CSAD: variants seen among roughly 807,000 people sequenced by gnomAD.
CSAD encodes P-selectin cytoplasmic tail-associated protein.
Under a neutral mutation model 61.5 loss-of-function variants are expected in CSAD, and 47 were observed. That is an observed-to-expected ratio of 0.76 (90% CI 0.60 to 0.97). CSAD has a LOEUF of 0.97. Ranked by LOEUF, CSAD falls within the 50% of genes least tolerant of loss-of-function variation. CSAD has a pLI of 0.00. For synonymous variants in CSAD, 245 were observed against 252.7 expected (o/e 0.97, Z 0.29); for missense variants, 611 against 643.6 (o/e 0.95, Z 0.55).
intron 2 of CSAD, among the ~76,000 whole-genome samples, chr12:53,178,133 G>C (rs1941246024): frequency 6.6e-6 from 1 of 152,202 alleles, no homozygotes; most frequent in Admixed American, 6.5e-5. Context: ...GTAAACATGG[G>C]AGTTGTTACA....
chr12:53,173,855 T>A (rs1940881625), intron 2 of CSAD, 85 bp from the exon 3 acceptor site: 1 of 1,383,890 alleles, frequency 7.2e-7, no homozygotes, highest in Non-Finnish European at 1.0e-6. Context: ...CACAAAGTTG[T>A]TGCAACCATC....
upstream of CSAD, chr12:53,181,163 C>T (rs1941608366): frequency 3.0e-6 from 3 of 984,844 alleles, no homozygotes; most frequent in African/African-American, 3.5e-5. Context: ...CGGAGCGAGG[C>T]GGGCGACACG....
chr12:53,161,712 C>T (rs1266456441), intron 10 of CSAD, among the ~76,000 whole-genome samples: 6 of 152,148 alleles, frequency 3.9e-5, no homozygotes, highest in African/African-American at 1.4e-4. Flanking sequence ...ATAATCTCGG[C>T]ACTTCAGGAG....
chr12:53,170,751 C>A, intron 8 of CSAD: 1 of 491,368 alleles, frequency 2.0e-6, no homozygotes, highest in South Asian at 2.1e-5. Flanking sequence ...ACAAGAGTCT[C>A]CCTCTGTCAC....
At chr12:53,162,859 C>T (rs564252046) in intron 10 of CSAD, among the ~76,000 whole-genome samples, 1 of 151,912 alleles carries the variant, frequency 6.6e-6, no homozygotes, top group South Asian at 2.1e-4. Flanking sequence ...GTCCAGAGTT[C>T]GAGACTAGCC....
Position 53,172,532 on chromosome 12 carries a change from A to G in CSAD, c.243T>C (p.Ser81=). 6.2e-7 allele frequency: 1 copy of G among 1,614,132 alleles called. No individual in the cohort carries two copies. Among genetic ancestry groups the G allele is most frequent in the East Asian group, 2.2e-5 (1 of 44,878 alleles). ...LERCRAVIRY[S]VKTGHPRFFN... ...GAAGCCAGGGCCCACCAGTCTTGAC[A>G]CTGTAGCGAATCACAGCCCGACACC... The change falls in exon 5 of 17, where the codon AGT becomes AGC. Residue 81 remains serine, a synonymous_variant. Coordinates refer to ENST00000444623, the MANE Select transcript of CSAD (RefSeq NM_001244705.2).
intron 1 of CSAD, chr12:53,179,865 T>G: frequency 6.2e-7 from 1 of 1,612,714 alleles, no homozygotes; most frequent in East Asian, 2.2e-5. Context: ...CTCTAATGGC[T>G]AAGGCTAGGC....
chr12:53,178,190 C>T (rs1022189589), intron 2 of CSAD, among the ~76,000 whole-genome samples: 2 of 152,026 alleles, frequency 1.3e-5, no homozygotes, highest in African/African-American at 4.8e-5. Flanking sequence ...TTTACATATC[C>T]GGCCAGGCAT....
In CSAD at chr12:53,158,653, T is replaced by C; in HGVS notation, c.1340A>G (p.Lys447Arg). Reference protein sequence around the residue: ...VAPVLKERMVKEGSMMIGYQP... With the variant: ...VAPVLKERMVREGSMMIGYQP... Reference sequence around the variant, plus strand: ...GTAGCCAATCATCATGGAGCCCTCCTTCACCATGCGCTCCTTGAGCACGGG... The same window carrying C: ...GTAGCCAATCATCATGGAGCCCTCCCTCACCATGCGCTCCTTGAGCACGGG... The change falls in exon 17 of 17, where the codon AAG becomes AGG. Residue 447 changes from lysine to arginine, a missense_variant. By Grantham distance (26) the Lys-to-Arg change is conservative. Coordinates refer to ENST00000444623, the MANE Select transcript of CSAD (RefSeq NM_001244705.2). 1 of 1,614,166 alleles carries C rather than the reference T, an allele frequency of 6.2e-7. No homozygotes were observed. The highest frequency in any genetic ancestry group is 8.5e-7 in the Non-Finnish European group (1 of 1,180,026).
At chr12:53,179,710 A>G in intron 1 of CSAD, 1 of 1,318,682 alleles carries the variant, frequency 7.6e-7, no homozygotes, top group Non-Finnish European at 1.0e-6. Context: ...TTTTTTCATC[A>G]TACAGTTTTT....
chr12:53,170,261 G>C (rs983868549), intron 9 of CSAD, 135 bp from the exon 10 acceptor site: 55 of 990,736 alleles, frequency 5.6e-5, no homozygotes, highest in Non-Finnish European at 7.7e-5. Context: ...GGCAGAGGTG[G>C]GAGACGCTGG....
chr12:53,180,436 T>C, intron 1 of CSAD: 1 of 1,174,082 alleles, frequency 8.5e-7, no homozygotes, highest in Non-Finnish European at 1.1e-6. Context: ...GCACCCAGCG[T>C]ACAATCATCG....
intron 16 of CSAD, 143 bp downstream of exon 16, chr12:53,159,480 C>A (rs550200268): frequency 9.0e-6 from 6 of 666,308 alleles, no homozygotes; most frequent in Admixed American, 8.2e-5. Context: ...CCATCCCCAC[C>A]CCTACCGAAA....
intron 1 of CSAD, chr12:53,180,482 G>A: frequency 8.2e-7 from 1 of 1,217,340 alleles, no homozygotes; most frequent in Non-Finnish European, 1.0e-6. Context: ...CTCGATGGCG[G>A]CCGGGGCGCG....
Position 53,171,207 on chromosome 12 carries a change from G to C in CSAD, c.567+119C>G, listed in dbSNP as rs774267499. ...TGATTGGAAGGAAGCACATCCGCCT[G>C]GGGGCAGGCTGGCCTTGGAGGATGT... On this transcript the variant is annotated intron_variant, in intron 8 of 16. Transcript: ENST00000444623. 1.8e-5 allele frequency: 26 copies of C among 1,475,240 alleles called. No homozygotes were observed. The East Asian group carries it at 5.2e-4, about 30-fold the overall frequency. 91.4% of individuals were successfully genotyped at this position (1,475,240 alleles called of 1,614,324 possible).
In CSAD at chr12:53,180,326, G is replaced by A. The variant is rs963197678; in HGVS notation, c.-91+406C>T. The A allele has an allele frequency of 5.1e-6, 5 of 985,280 alleles. No individual in the cohort carries two copies. The Admixed American group carries it at 3.1e-4, about 61-fold the overall frequency. The allele number at this position is 985,280 out of a possible 1,614,324, so 61.0% of individuals were successfully genotyped here. ...CTACTCTGGCTCTACTTGGGGCGCC[G>A]GCTCAGAGCGATGGGCAGGACGTCC... On this transcript the variant is annotated intron_variant, in intron 1 of 16. Transcript: ENST00000444623.
intron 10 of CSAD, among the ~76,000 whole-genome samples, chr12:53,162,097 T>TA (rs1939351291): frequency 6.6e-6 from 1 of 151,370 alleles, no homozygotes; most frequent in Non-Finnish European, 1.5e-5. Context: ...CCGTCTCTAT[T>TA]AAAAAATACA....
Position 53,172,293 on chromosome 12 carries a change from T to C in CSAD, c.344+53A>G, listed in dbSNP as rs138477336. On this transcript the variant is annotated intron_variant, in intron 6 of 16. Coordinates refer to ENST00000444623, the MANE Select transcript of CSAD (RefSeq NM_001244705.2). ...TCCTCCCCTACCCCTCAGGCACCTCTCTAGCAAACCTAAATCCTTTGTGGG... is the reference window on the plus strand; with the variant it reads ...TCCTCCCCTACCCCTCAGGCACCTCCCTAGCAAACCTAAATCCTTTGTGGG... 588 of 1,521,688 alleles carry C rather than the reference T, an allele frequency of 3.9e-4. 7 individuals carry two copies. In the East Asian group the frequency reaches 0.013, roughly 33 times the overall value. 94.3% of individuals were successfully genotyped at this position (1,521,688 alleles called of 1,614,324 possible).
chr12:53,171,650 A>G (rs1170765804), intron 7 of CSAD: 11 of 625,752 alleles, frequency 1.8e-5, no homozygotes, highest in Admixed American at 2.9e-5. Flanking sequence ...GGCTGCCCCC[A>G]AGAGACAGCC....
Sources: allele counts gnomAD v4.1 joint callset (sites outside exome capture counted in the v4.1 genomes callset), GRCh38; gene constraint gnomAD v4.1.1; transcripts MANE v1.5; gene names NCBI Gene and HGNC (gene_info 2026-07-23, HGNC 2026-07-21).